The following SI variants were observed in gnomAD, a reference collection of about 807,000 sequenced individuals.
SI encodes sucrase-isomaltase, intestinal.
Under a neutral mutation model 253.3 loss-of-function variants are expected in SI, and 235 were observed. That is an observed-to-expected ratio of 0.93 (90% CI 0.83 to 1.03). The LOEUF is 1.03. Among genes scored for constraint, SI ranks in the 50% least tolerant of loss-of-function variants. SI has a pLI of 0.00. For synonymous variants in SI, 819 were observed against 712.0 expected, an observed-to-expected ratio of 1.15 and a Z score of -2.39; for missense variants, 2,442 against 2,211.1, an observed-to-expected ratio of 1.10 and a Z score of -2.09.
chr3:165,026,859 A>C (rs1711949570), intron 25 of SI, among the ~76,000 whole-genome samples: 1 of 151,300 alleles, frequency 6.6e-6, no homozygotes, highest in South Asian at 2.1e-4. Flanking sequence ...AAATGCCTAC[A>C]CCAAAAAGTC....
chr3:164,998,771 G>A, intron 37 of SI, 98 bp from the exon 38 acceptor site: 1 of 1,012,554 alleles, frequency 9.9e-7, no homozygotes, highest in Non-Finnish European at 1.5e-6. Context: ...AGTGATTTGT[G>A]GTGCTTATAT....
upstream of SI, among the ~76,000 whole-genome samples, chr3:165,082,797 G>A (rs1043139071): frequency 3.3e-5 from 5 of 151,904 alleles, no homozygotes; most frequent in Non-Finnish European, 7.4e-5. Context: ...CCTTATCAAA[G>A]CTCACCAGTC....
chr3:165,023,721 T>C lies in SI; in HGVS notation c.2948A>G (p.Tyr983Cys). ...TGAATAGCGAGCTGAGTTGACTGAA[T>C]AAGAGTTATCTTGTCTGGGAAAGTA... ...ECYFPRQDNSYSVNSARYSSM... is the reference protein window; with the variant it reads ...ECYFPRQDNSCSVNSARYSSM... Residue 983 changes from tyrosine to cysteine, a missense_variant, in exon 26 of 48, where the codon TAT becomes TGT. By Grantham distance (194) the Tyr-to-Cys change is radical. Transcript: ENST00000264382. The C allele has an allele frequency of 6.2e-7, 1 of 1,610,728 alleles. No homozygotes were observed. Among genetic ancestry groups the C allele is most frequent in the South Asian group, 1.1e-5 (1 of 91,044 alleles).
chr3:165,074,028 A>C (rs1306864409), intron 3 of SI, among the ~76,000 whole-genome samples: 1 of 152,060 alleles, frequency 6.6e-6, no homozygotes, highest in African/African-American at 2.4e-5. Context: ...GGAAGAGTGA[A>C]CTTGGGTTAC....
In SI at chr3:165,015,974, C is replaced by T; in HGVS notation, c.3866G>A (p.Gly1289Glu). Residue 1289 changes from glycine to glutamate, a missense_variant, in exon 32 of 48, where the codon GGA becomes GAA. Coordinates refer to ENST00000264382, the MANE Select transcript of SI (RefSeq NM_001041.4). ...PQFVDKIRGEGMRYIIILDPA... is the reference protein window; with the variant it reads ...PQFVDKIRGEEMRYIIILDPA... ...GACCAGGATAATAATGTATCTCATT[C>T]CTTCTCCTCTTATTTTGTCAACAAA... The T allele has an allele frequency of 6.2e-7, 1 of 1,610,646 alleles. No individual in the cohort carries two copies. The highest frequency in any genetic ancestry group is 8.5e-7 in the Non-Finnish European group (1 of 1,177,050).
chr3:165,022,554 C>CACAA, intron 26 of SI, among the ~76,000 whole-genome samples: 1 of 149,990 alleles, frequency 6.7e-6, no homozygotes, highest in South Asian at 2.1e-4. Context: ...CACACACACA[C>CACAA]ACACACACAC....
chr3:165,021,723 A>G (rs573532235), intron 26 of SI, among the ~76,000 whole-genome samples: 1 of 151,730 alleles, frequency 6.6e-6, no homozygotes, highest in African/African-American at 2.4e-5. Context: ...AGTTGTTTCA[A>G]TATTTTTTGT....
intron 34 of SI, among the ~76,000 whole-genome samples, chr3:165,009,843 C>G (rs1718692161): frequency 6.6e-6 from 1 of 152,050 alleles, no homozygotes; most frequent in Admixed American, 6.6e-5. Flanking sequence ...CTTTTTTTGT[C>G]TCTCACATCT....
chr3:165,072,296 T>C (rs115335301), intron 3 of SI, among the ~76,000 whole-genome samples: 2,427 of 152,098 alleles, frequency 0.016, 66 homozygotes, highest in African/African-American at 0.055. Flanking sequence ...ATATTTAAGA[T>C]GATAAATAAT....
intron 13 of SI, among the ~76,000 whole-genome samples, chr3:165,053,186 A>G (rs932441456): frequency 6.6e-6 from 1 of 151,900 alleles, no homozygotes; most frequent in Non-Finnish European, 1.5e-5. Flanking sequence ...GTAAAAAAAG[A>G]GAATTCAAAT....
At chr3:165,069,306 A>G in intron 3 of SI, 111 bp from the exon 4 acceptor site, 3 of 751,524 alleles carry the variant, frequency 4.0e-6, no homozygotes, top group Non-Finnish European at 7.0e-6. Flanking sequence ...TTTCAAATGT[A>G]TAATATGCCA....
intron 9 of SI, 129 bp from the exon 10 acceptor site, chr3:165,060,156 A>G (rs1361921193): frequency 2.5e-6 from 2 of 785,990 alleles, no homozygotes; most frequent in Non-Finnish European, 4.0e-6. Context: ...ATTTAAACAA[A>G]CCTTTAGTGT....
chr3:165,034,308 T>C (rs1351903250), intron 22 of SI, among the ~76,000 whole-genome samples: 1 of 151,842 alleles, frequency 6.6e-6, no homozygotes, highest in African/African-American at 2.4e-5. Flanking sequence ...TATTCTTAAC[T>C]ACTTACTTAT....
Position 164,979,290 on chromosome 3 carries a change from G to A in SI, c.*72C>T, listed in dbSNP as rs1184849555. The A allele has an allele frequency of 1.1e-6, 1 of 898,766 alleles. No homozygotes were observed. Among genetic ancestry groups the A allele is most frequent in the Non-Finnish European group, 1.9e-6 (1 of 534,878 alleles). 55.7% of individuals were successfully genotyped at this position (898,766 alleles called of 1,614,324 possible). On this transcript the variant is annotated 3_prime_UTR_variant, in exon 48 of 48. Transcript: ENST00000264382. ...AGAGTACAAGAACCAAGTGAAGAGG[G>A]AAAATTGTAAGTGCTGTGAAACTTA...
intron 33 of SI, among the ~76,000 whole-genome samples, chr3:165,014,637 G>A (rs1463055713): frequency 1.3e-5 from 2 of 151,964 alleles, no homozygotes; most frequent in Non-Finnish European, 2.9e-5. Flanking sequence ...TTATATAAAA[G>A]CCAAATCAAA....
chr3:165,012,084 C>A (rs1214105502), intron 34 of SI, among the ~76,000 whole-genome samples: 1 of 152,044 alleles, frequency 6.6e-6, no homozygotes, highest in East Asian at 1.9e-4. Flanking sequence ...TTATTCATTC[C>A]TTTTGCTTTC....
At chr3:165,017,127 A>G (rs2108174108) in intron 31 of SI, among the ~76,000 whole-genome samples, 1 of 151,946 alleles carries the variant, frequency 6.6e-6, no homozygotes, top group South Asian at 2.1e-4. Context: ...TATTACAACT[A>G]TTATCTATTC....
intron 22 of SI, among the ~76,000 whole-genome samples, chr3:165,033,790 T>A (rs1712382261): frequency 2.0e-5 from 3 of 151,540 alleles, no homozygotes; most frequent in Non-Finnish European, 4.4e-5. Flanking sequence ...GTAAACCTCA[T>A]AACAGTACAT....
rs1287924677 is a variant in SI, at chr3:165,043,529, AT to A, written c.1888-355del. ...TCCCTAACTCAACTTCTTTGATTTG[AT>A]TTTTCTTATTTATAATATAATATGT... On this transcript the variant is annotated intron_variant, in intron 16 of 47. Transcript: ENST00000264382. 2.0e-5 allele frequency among the ~76,000 whole-genome samples: 3 copies of A among 151,976 alleles called. No individual in the cohort carries two copies. The East Asian group carries it at 5.8e-4, about 29-fold the overall frequency.
Sources: allele counts gnomAD v4.1 joint callset (sites outside exome capture counted in the v4.1 genomes callset), GRCh38; gene constraint gnomAD v4.1.1; transcripts MANE v1.5; gene names NCBI Gene and HGNC (gene_info 2026-07-23, HGNC 2026-07-21).